The following MRRF variants were observed in gnomAD, a reference collection of about 807,000 sequenced individuals.
MRRF encodes mitochondrial ribosome recycling factor.
In MRRF, 18 loss-of-function variants were observed where a neutral mutation model predicts 25.1. The ratio of observed to expected loss-of-function variants is 0.72; its 90% CI spans 0.50 to 1.06. The LOEUF is 1.06. Among genes scored for constraint, MRRF ranks in the 50% least tolerant of loss-of-function variants. The pLI is 0.00. For synonymous variants in MRRF, 113 were observed against 112.1 expected, an observed-to-expected ratio of 1.01 and a Z score of -0.05; for missense variants, 323 against 319.3, an observed-to-expected ratio of 1.01 and a Z score of -0.09.
intron 6 of MRRF, among the ~76,000 whole-genome samples, chr9:122,321,396 C>T (rs1486470622): frequency 6.6e-6 from 1 of 152,158 alleles, no homozygotes; most frequent in African/African-American, 2.4e-5. Context: ...CAACTACTTC[C>T]TCATTCTATA....
At chr9:122,267,008 T>G (rs888518313) in intron 1 of MRRF, among the ~76,000 whole-genome samples, 1 of 149,846 alleles carries the variant, frequency 6.7e-6, no homozygotes, top group Admixed American at 6.7e-5. Context: ...AGGCGGAGGT[T>G]GCAGTGAGCC....
At chr9:122,280,905 TAAAC>T (rs947507944) in intron 3 of MRRF, among the ~76,000 whole-genome samples, 1 of 152,192 alleles carries the variant, frequency 6.6e-6, no homozygotes, top group Non-Finnish European at 1.5e-5. Flanking sequence ...TGCATAGTAG[TAAAC>T]AAAAATAGGT....
intron 5 of MRRF, among the ~76,000 whole-genome samples, chr9:122,296,404 A>G (rs1191530391): frequency 2.6e-5 from 4 of 152,212 alleles, no homozygotes; most frequent in African/African-American, 9.7e-5. Context: ...CTAGAGGTAT[A>G]ATGCCTGGAA....
intron 6 of MRRF, among the ~76,000 whole-genome samples, chr9:122,316,433 C>A (rs1218321987): frequency 6.6e-6 from 1 of 152,138 alleles, no homozygotes; most frequent in Non-Finnish European, 1.5e-5. Flanking sequence ...ACCTCAGCCC[C>A]CCAAAGTGCT....
At chr9:122,299,559 A>G in intron 5 of MRRF, among the ~76,000 whole-genome samples, 1 of 152,092 alleles carries the variant, frequency 6.6e-6, no homozygotes, top group African/African-American at 2.4e-5. Context: ...GGAACTTATA[A>G]AGGAGGCCAC....
intron 5 of MRRF, among the ~76,000 whole-genome samples, chr9:122,295,289 G>A (rs1834017709): frequency 6.6e-6 from 1 of 152,096 alleles, no homozygotes; most frequent in African/African-American, 2.4e-5. Flanking sequence ...TTCCTTTTTA[G>A]GGATGAAGAA....
rs911731296 is a variant in MRRF, at chr9:122,329,919, C to T, written c.*7302C>T. 1.3e-5 allele frequency: 2 copies of T among 152,390 alleles called. 1 individual carries two copies. The highest frequency in any genetic ancestry group is 4.1e-4 in the South Asian group (2 of 4,830). The allele number at this position is 152,390 out of a possible 1,614,324, so 9.4% of individuals were successfully genotyped here. A position where few individuals can be genotyped will look rare whatever the true frequency, so the allele number is the denominator to read the frequency against. On this transcript the variant is annotated 3_prime_UTR_variant, in exon 7 of 7. Coordinates refer to ENST00000344641, the MANE Select transcript of MRRF (RefSeq NM_138777.5). Reference sequence around the variant, plus strand: ...GTGTTGAGGAAATGTTTGTCTAATTCTAAGGGGCCTGCCAGGCCTTGATAC... The same window carrying T: ...GTGTTGAGGAAATGTTTGTCTAATTTTAAGGGGCCTGCCAGGCCTTGATAC...
At chr9:122,265,656 T>C in intron 1 of MRRF, 1 of 822,360 alleles carries the variant, frequency 1.2e-6, no homozygotes, top group Non-Finnish European at 1.8e-6. Context: ...ATTTTATGGT[T>C]GAAACAAAAT....
At chr9:122,321,330 C>G (rs1367301632) in intron 6 of MRRF, among the ~76,000 whole-genome samples, 1 of 152,182 alleles carries the variant, frequency 6.6e-6, no homozygotes. Flanking sequence ...TATTAACACC[C>G]TATCCTTAAG....
chr9:122,277,636 C>T (rs373780368), intron 2 of MRRF, among the ~76,000 whole-genome samples: 121 of 152,206 alleles, frequency 7.9e-4, no homozygotes, highest in African/African-American at 2.6e-3. Flanking sequence ...CCGCAACCTC[C>T]GCCTCTCAGG....
At position 122,280,527 on chromosome 9, in the gene MRRF, A is replaced by G; in HGVS notation, c.269A>G (p.Glu90Gly). Residue 90 changes from glutamate to glycine, a missense_variant, in exon 3 of 7, where the codon GAA becomes GGA. Physicochemically the swap from Glu to Gly is moderately conservative, Grantham distance 98 (BLOSUM62 -2). Coordinates refer to ENST00000344641, the MANE Select transcript of MRRF (RefSeq NM_138777.5). ...ATAATCAACTTGGAAGAGGTGAATG[A>G]AGAAATGAAGTCTGTGATAGAAGCT... ...EDIINLEEVN[E>G]EMKSVIEALK... is the part of the protein sequence containing the mutation. The G allele has an allele frequency of 6.2e-7, 1 of 1,613,970 alleles. No individual in the cohort carries two copies. Among genetic ancestry groups the G allele is most frequent in the Non-Finnish European group, 8.5e-7 (1 of 1,179,820 alleles).
At chr9:122,275,026 T>C (rs1252535391) in intron 2 of MRRF, among the ~76,000 whole-genome samples, 8 of 152,176 alleles carry the variant, frequency 5.3e-5, no homozygotes, top group Non-Finnish European at 1.0e-4. Context: ...CATGATGCTT[T>C]GATATACATG....
At chr9:122,282,011 CTG>C (rs1226881010) in intron 3 of MRRF, among the ~76,000 whole-genome samples, 4 of 152,196 alleles carry the variant, frequency 2.6e-5, no homozygotes, top group African/African-American at 9.7e-5. Context: ...ATCAGGAAGA[CTG>C]AATTAAGATC....
At chr9:122,276,179 G>T (rs139106992) in intron 2 of MRRF, among the ~76,000 whole-genome samples, 81 of 152,286 alleles carry the variant, frequency 5.3e-4, no homozygotes, top group African/African-American at 1.9e-3. Flanking sequence ...CTCCCAAAGT[G>T]CTGGAATTAC....
intron 4 of MRRF, among the ~76,000 whole-genome samples, chr9:122,288,473 T>G (rs1293635659): frequency 6.6e-6 from 1 of 152,256 alleles, no homozygotes; most frequent in African/African-American, 2.4e-5. Context: ...TTTACACTGT[T>G]GTGACAGAGC....
intron 2 of MRRF, among the ~76,000 whole-genome samples, chr9:122,276,799 T>G (rs1024706843): frequency 2.0e-5 from 3 of 152,234 alleles, no homozygotes; most frequent in Non-Finnish European, 4.4e-5. Context: ...TTTTTTTATT[T>G]GCTTACTTAT....
rs772527796 is a variant in MRRF at position 122,329,053 on chromosome 9, A to C, written c.*6436A>C. The C allele has an allele frequency of 6.6e-6, 1 of 152,050 alleles. No homozygotes were observed. The highest frequency in any genetic ancestry group is 1.5e-5 in the Non-Finnish European group (1 of 68,008). 9.4% of individuals were successfully genotyped at this position (152,050 alleles called of 1,614,324 possible). A position where few individuals can be genotyped will look rare whatever the true frequency, so the allele number is the denominator to read the frequency against. On this transcript the variant is annotated 3_prime_UTR_variant, in exon 7 of 7. Coordinates refer to ENST00000344641, the MANE Select transcript of MRRF (RefSeq NM_138777.5). ...AGAACAACCTGAAACAGCTTTTATC[A>C]TGTCACTCTTCTCTCAGAAACCTTC... is the stretch of plus-strand genomic sequence containing the variant.
At position 122,270,966 on chromosome 9, in the gene MRRF, C is replaced by T. The variant is rs147625854; in HGVS notation, c.75C>T (p.Pro25=). The T allele has an allele frequency of 8.0e-5, 129 of 1,614,132 alleles. No homozygotes were observed. The highest frequency in any genetic ancestry group is 9.9e-5 in the Non-Finnish European group (117 of 1,179,994). The change falls in exon 2 of 7, where the codon CCC becomes CCT. Residue 25 remains proline (P), a synonymous_variant. Coordinates refer to ENST00000344641, the MANE Select transcript of MRRF (RefSeq NM_138777.5). ...ATTATCTTGCAGCCTCTATCAGACC[C>T]GTTTCAGAAGTTACACTGAAGACAG... ...FRNYLAASIR[P]VSEVTLKTVH...
chr9:122,285,198 G>C lies in MRRF; in HGVS notation c.370G>C (p.Ala124Pro), dbSNP rs771210761. 1 of 1,613,678 alleles carries C rather than the reference G, an allele frequency of 6.2e-7. No homozygotes were observed. Among genetic ancestry groups the C allele is most frequent in the Non-Finnish European group, 8.5e-7 (1 of 1,179,614 alleles). ...GSLDKIAVVT[A>P]DGKLALNQIS... is the part of the protein sequence containing the mutation. ...CCTTGACAAGATTGCTGTGGTAACT[G>C]CTGACGGGAAGCTTGCTTTAAACCA... The change falls in exon 4 of 7, where the codon GCT (alanine) becomes CCT (proline). Residue 124 changes from alanine to proline, a missense_variant. Transcript: ENST00000344641.
Sources: gnomAD v4.1 joint callset for allele counts (sites outside exome capture counted in the v4.1 genomes callset) on GRCh38, gnomAD v4.1.1 for gene constraint, MANE v1.5 for transcripts, NCBI Gene and HGNC (gene_info 2026-07-23, HGNC 2026-07-21) for gene names.